RFX3: variants seen among roughly 807,000 people sequenced by gnomAD.
RFX3 encodes the protein regulatory factor X3.
RFX3 carries 14 observed loss-of-function variants against 98.6 expected under a neutral mutation model. That is an observed-to-expected ratio of 0.14 (90% CI 0.09 to 0.22). RFX3 has a LOEUF of 0.22. RFX3 is among the 10% of genes least tolerant of loss of function. The pLI is 1.00. For missense variants in RFX3, 639 were observed against 926.9 expected (o/e 0.69, Z 4.03); for synonymous variants, 383 against 328.4 (o/e 1.17, Z -1.80).
intron 5 of RFX3, among the ~76,000 whole-genome samples, chr9:3,294,469 G>A (rs531646845): frequency 6.6e-6 from 1 of 152,138 alleles, no homozygotes; most frequent in South Asian, 2.1e-4. Context: ...AAATGAATGT[G>A]ATCTCATCCT....
At chr9:3,349,543 C>A (rs963814406) in intron 2 of RFX3, among the ~76,000 whole-genome samples, 1 of 151,770 alleles carries the variant, frequency 6.6e-6, no homozygotes, top group African/African-American at 2.4e-5. Flanking sequence ...GACAGATGAC[C>A]CTCCTTTCAC....
At chr9:3,373,726 G>A (rs1838111113) in intron 2 of RFX3, among the ~76,000 whole-genome samples, 1 of 152,080 alleles carries the variant, frequency 6.6e-6, no homozygotes, top group Admixed American at 6.6e-5. Context: ...AAAAGTATAG[G>A]AGGAGGAGAA....
intron 2 of RFX3, among the ~76,000 whole-genome samples, chr9:3,370,207 A>G (rs1405703029): frequency 6.6e-6 from 1 of 151,208 alleles, no homozygotes; most frequent in Non-Finnish European, 1.5e-5. Context: ...AAAAAATTAA[A>G]TGATCCCTAG....
chr9:3,369,421 ACCATCACTTTGGG>A (rs1837559686), intron 2 of RFX3, among the ~76,000 whole-genome samples: 1 of 152,134 alleles, frequency 6.6e-6, no homozygotes, highest in Admixed American at 6.5e-5. Context: ...ACCTTCTAAT[ACCATCACTTTGGG>A]GGTAAGGATT....
At chr9:3,270,597 G>GT in intron 10 of RFX3, 72 bp from the exon 11 acceptor site, 1 of 1,446,126 alleles carries the variant, frequency 6.9e-7, no homozygotes, top group South Asian at 1.3e-5. Flanking sequence ...TTTAAAAATA[G>GT]TTTAAGTTTA....
chr9:3,261,568 T>G (rs1008547381), intron 13 of RFX3, among the ~76,000 whole-genome samples: 1 of 152,180 alleles, frequency 6.6e-6, no homozygotes, highest in Non-Finnish European at 1.5e-5. Flanking sequence ...TTGGGTTGTT[T>G]CTGCTTTTAT....
chr9:3,263,249 C>G (rs1413243980), intron 12 of RFX3, among the ~76,000 whole-genome samples, 165 bp from the exon 13 acceptor site: 1 of 152,142 alleles, frequency 6.6e-6, no homozygotes, highest in Admixed American at 6.6e-5. Context: ...GCATTTAAAT[C>G]TCTAAACCAA....
At chr9:3,280,461 T>G (rs552365307) in intron 7 of RFX3, among the ~76,000 whole-genome samples, 1 of 151,850 alleles carries the variant, frequency 6.6e-6, no homozygotes, top group African/African-American at 2.4e-5. Flanking sequence ...AATACTGGAC[T>G]GAGAAAGCCT....
chr9:3,411,389 G>A (rs1182819156), intron 1 of RFX3, among the ~76,000 whole-genome samples: 1 of 151,726 alleles, frequency 6.6e-6, no homozygotes, highest in Non-Finnish European at 1.5e-5. Flanking sequence ...TTGAGACAGG[G>A]TCTCATTCTG....
intron 2 of RFX3, among the ~76,000 whole-genome samples, chr9:3,393,766 C>A (rs1352405147): frequency 6.8e-6 from 1 of 146,834 alleles, no homozygotes; most frequent in Non-Finnish European, 1.5e-5. Flanking sequence ...ATAAAGTGGG[C>A]GCTAAACAAT....
At chr9:3,288,576 G>C (rs988456088) in intron 6 of RFX3, among the ~76,000 whole-genome samples, 5 of 151,918 alleles carry the variant, frequency 3.3e-5, no homozygotes, top group Non-Finnish European at 5.9e-5. Flanking sequence ...ATTTAGTTAA[G>C]AAGGGTAATG....
chr9:3,454,744 C>A (rs535210852), intron 1 of RFX3, among the ~76,000 whole-genome samples: 1 of 152,210 alleles, frequency 6.6e-6, no homozygotes, highest in South Asian at 2.1e-4. Context: ...ATTTTTTTCC[C>A]CACAAATCTT....
At chr9:3,357,308 G>A (rs536046729) in intron 2 of RFX3, among the ~76,000 whole-genome samples, 11 of 151,778 alleles carry the variant, frequency 7.2e-5, no homozygotes, top group South Asian at 4.2e-4. Context: ...CCTTCTCATC[G>A]CTTATATTGT....
chr9:3,242,260 C>G (rs1407541450), intron 15 of RFX3, among the ~76,000 whole-genome samples: 1 of 152,120 alleles, frequency 6.6e-6, no homozygotes, highest in Non-Finnish European at 1.5e-5. Context: ...TGTAAGACAT[C>G]TAGAATAGGG....
intron 2 of RFX3, among the ~76,000 whole-genome samples, chr9:3,382,250 T>C (rs896192781): frequency 1.3e-5 from 2 of 152,184 alleles, no homozygotes; most frequent in African/African-American, 4.8e-5. Flanking sequence ...AGAAATAAAA[T>C]ATAATCTTTT....
chr9:3,252,663 G>A (rs1229521721), intron 14 of RFX3, among the ~76,000 whole-genome samples: 1 of 152,106 alleles, frequency 6.6e-6, no homozygotes, highest in East Asian at 1.9e-4. Flanking sequence ...TCTAGTGGCT[G>A]GACTGTGTAG....
chr9:3,421,859 A>G (rs1201718147), intron 1 of RFX3, among the ~76,000 whole-genome samples: 1 of 152,224 alleles, frequency 6.6e-6, no homozygotes, highest in Non-Finnish European at 1.5e-5. Flanking sequence ...AGAGCCTATC[A>G]CAAAATTACT....
At chr9:3,483,502 G>C (rs1310443804) in intron 1 of RFX3, among the ~76,000 whole-genome samples, 1 of 152,204 alleles carries the variant, frequency 6.6e-6, no homozygotes, top group Admixed American at 6.5e-5. Flanking sequence ...GGAGGGAAAA[G>C]AAGTGACAAC....
At chr9:3,406,385 C>G (rs1841976436) in intron 1 of RFX3, among the ~76,000 whole-genome samples, 1 of 151,944 alleles carries the variant, frequency 6.6e-6, no homozygotes, top group Non-Finnish European at 1.5e-5. Context: ...TGATAGCTTC[C>G]CAAACAACCA....
Sources: gnomAD v4.1 joint callset for allele counts (sites outside exome capture counted in the v4.1 genomes callset) on GRCh38, gnomAD v4.1.1 for gene constraint, MANE v1.5 for transcripts, NCBI Gene and HGNC (gene_info 2026-07-23, HGNC 2026-07-21) for gene names.